The following STAT1 variants were observed in gnomAD, a reference collection of about 807,000 sequenced individuals.
The protein encoded by STAT1 is signal transducer and activator of transcription 1.
In STAT1, 24 loss-of-function variants were observed where a neutral mutation model predicts 111.7. That is an observed-to-expected ratio of 0.21 (90% CI 0.16 to 0.30). The LOEUF (loss-of-function observed/expected upper bound fraction) is 0.30, where lower values mean the gene tolerates loss of function less well. STAT1 is among the 10% of genes least tolerant of loss of function. The probability of loss-of-function intolerance (pLI) is 1.00; values close to 1 mark genes in which losing one functional copy is unlikely to be tolerated. For missense variants in STAT1, 351 were observed against 911.9 expected, an observed-to-expected ratio of 0.38 and a Z score of 7.92; for synonymous variants, 332 against 326.5, an observed-to-expected ratio of 1.02 and a Z score of -0.18.
rs1692560458 is a variant in STAT1, at chr2:190,983,671, A to G, written c.1417T>C (p.Trp473Arg). 1.9e-6 allele frequency: 3 copies of G among 1,614,028 alleles called. No homozygotes were observed. Among genetic ancestry groups the G allele is most frequent in the Non-Finnish European group, 8.5e-7 (1 of 1,180,010 alleles). The change falls in exon 17 of 25, where the codon TGG (tryptophan) becomes CGG (arginine). Residue 473 changes from tryptophan to arginine, a missense_variant. Around this residue, in one of 7 missense-constraint regions of STAT1, gnomAD observed 181 missense variants for 426.1 expected, o/e 0.42. Transcript: ENST00000361099. This position sits in a 1 kb window ranked among gnomAD's most constrained non-coding sequence, Gnocchi z 5.7. The stretch of plus-strand genomic sequence containing the variant: ...GGTTCCGCCACCAGCATGTTGTACC[A>G]AAGGATGGAGGCCCAACCGCTCGGG... ...QLPSGWASIL[W>R]YNMLVAEPRN... is the part of the protein sequence containing the mutation.
intron 5 of STAT1, among the ~76,000 whole-genome samples, chr2:191,002,329 G>A (rs181275507): frequency 6.6e-6 from 1 of 152,206 alleles, no homozygotes; most frequent in East Asian, 1.9e-4. Flanking sequence ...ATTTCCATAT[G>A]CACACGGGTT....
At position 190,995,539 on chromosome 2, in the gene STAT1, G is replaced by A. The variant is rs1229551268; in HGVS notation, c.786-320C>T. On this transcript the variant is annotated intron_variant, in intron 9 of 24. Coordinates refer to ENST00000361099, the MANE Select transcript of STAT1 (RefSeq NM_007315.4). This position sits in a 1 kb window ranked among gnomAD's most constrained non-coding sequence, Gnocchi z 4.2. ...ACTCACTACCATGAGAACAGTATTG[G>A]GGGAACCACCCCCATGATTCAATTA... Among the ~76,000 whole-genome samples, 1 of 152,094 alleles carries A rather than the reference G, an allele frequency of 6.6e-6. No individual in the cohort carries two copies. Among genetic ancestry groups the A allele is most frequent in the Non-Finnish European group, 1.5e-5 (1 of 68,022 alleles).
Position 190,980,179 on chromosome 2 carries a change from G to A in STAT1, c.1633-313C>T, listed in dbSNP as rs1260939086. The stretch of plus-strand genomic sequence containing the variant: ...CGGAAACACAAGCTGCCCCACACTA[G>A]CAAAATCCAGCAGTGCAAGCTGGTC... On this transcript the variant is annotated intron_variant, in intron 19 of 24. Coordinates refer to ENST00000361099, the MANE Select transcript of STAT1 (RefSeq NM_007315.4). The surrounding 1 kb of genome is among the most constrained non-coding windows in gnomAD (Gnocchi z 6.1). 6.6e-6 allele frequency among the ~76,000 whole-genome samples: 1 copy of A among 152,330 alleles called. No homozygotes were observed. Among genetic ancestry groups the A allele is most frequent in the Admixed American group, 6.5e-5 (1 of 15,302 alleles).
Position 190,975,777 on chromosome 2 carries a change from G to GT in STAT1, c.2135+34dup, listed in dbSNP as rs1365587496. On this transcript the variant is annotated intron_variant, in intron 23 of 24. Transcript: ENST00000361099. This position sits in a 1 kb window ranked among gnomAD's most constrained non-coding sequence, Gnocchi z 5.9. ...CAGCCAGGAGCAAGGCTGGCTTGAG[G>GT]TTTGTAAACATGTCACTCTTCTGTG... 4 of 1,613,712 alleles carry GT rather than the reference G, an allele frequency of 2.5e-6. No homozygotes were observed. In the African/African-American group the frequency reaches 5.3e-5, roughly 22 times the overall value.
intron 24 of STAT1, among the ~76,000 whole-genome samples, chr2:190,972,482 C>T (rs939193125): frequency 3.3e-5 from 5 of 152,188 alleles, no homozygotes; most frequent in African/African-American, 1.2e-4. Flanking sequence ...TGAGGCTGCA[C>T]CAGGCGTTGG....
At position 190,996,600 on chromosome 2, in the gene STAT1, G is replaced by A. The variant is rs567528492; in HGVS notation, c.785+1256C>T. ...CACCTGAAGGGCTTTAGGGTTGTAT[G>A]TATCCCTCAAGGCACATGGGGTGCA... On this transcript the variant is annotated intron_variant, in intron 9 of 24. Transcript: ENST00000361099. The surrounding 1 kb of genome is among the most constrained non-coding windows in gnomAD (Gnocchi z 4.5). 3.2e-4 allele frequency among the ~76,000 whole-genome samples: 48 copies of A among 152,324 alleles called. No homozygotes were observed. The highest frequency in any genetic ancestry group is 1.2e-3 in the African/African-American group (48 of 41,582).
At chr2:191,010,858 C>G (rs1302671972) in intron 2 of STAT1, among the ~76,000 whole-genome samples, 4 of 152,092 alleles carry the variant, frequency 2.6e-5, no homozygotes, top group Admixed American at 2.6e-4. Flanking sequence ...CATAGTGATC[C>G]TAAAGATTCA....
At chr2:190,991,342 T>C (rs1319972961) in intron 10 of STAT1, 22 bp from the exon 11 acceptor site, 2 of 1,611,684 alleles carry the variant, frequency 1.2e-6, no homozygotes, top group African/African-American at 1.3e-5. Flanking sequence ...CAGCAAAGGA[T>C]AGATAAGTTA....
intron 10 of STAT1, chr2:190,992,893 A>T: frequency 3.7e-6 from 1 of 271,682 alleles, no homozygotes; most frequent in Non-Finnish European, 6.8e-6. Flanking sequence ...GGGTTCGAGC[A>T]ATTCTCCTGC....
chr2:191,009,125 T>C lies in STAT1; in HGVS notation c.129-18A>G, dbSNP rs1694931012. ...CGTGCTCCCTAGGAGATTTAACATT[T>C]ACACATTTCATTCTAGAACTAAATG... On this transcript the variant is annotated intron_variant, in intron 3 of 24. Transcript: ENST00000361099. The C allele has an allele frequency of 1.2e-6, 2 of 1,613,934 alleles. No homozygotes were observed. Among genetic ancestry groups the C allele is most frequent in the Non-Finnish European group, 1.7e-6 (2 of 1,179,838 alleles).
At position 190,983,553 on chromosome 2, in the gene STAT1, C is replaced by G; in HGVS notation, c.1446+89G>C. ...AGCTTTGTCACTTCTCCCTTAACAA[C>G]TGGCCATTGGGGCTATTTCAGAGAT... On this transcript the variant is annotated intron_variant, in intron 17 of 24. Coordinates refer to ENST00000361099, the MANE Select transcript of STAT1 (RefSeq NM_007315.4). The surrounding 1 kb of genome is among the most constrained non-coding windows in gnomAD (Gnocchi z 5.7). 8.7e-7 allele frequency: 1 copy of G among 1,146,306 alleles called. No individual in the cohort carries two copies. The highest frequency in any genetic ancestry group is 2.1e-4 in the Middle Eastern group (1 of 4,776). 71.0% of individuals were successfully genotyped at this position (1,146,306 alleles called of 1,614,324 possible).
chr2:190,979,951 C>T lies in STAT1; in HGVS notation c.1633-85G>A, dbSNP rs1692233886. On this transcript the variant is annotated intron_variant, in intron 19 of 24. Coordinates refer to ENST00000361099, the MANE Select transcript of STAT1 (RefSeq NM_007315.4). This position sits in a 1 kb window ranked among gnomAD's most constrained non-coding sequence, Gnocchi z 5.8. ...CCCCTCCCACCATCATTTGCAAAGACTCCCCAGGTGCCAAGGATGGAACTG... is the reference window on the plus strand; with the variant it reads ...CCCCTCCCACCATCATTTGCAAAGATTCCCCAGGTGCCAAGGATGGAACTG... 4.5e-6 allele frequency: 4 copies of T among 897,052 alleles called. No individual in the cohort carries two copies. The highest frequency in any genetic ancestry group is 7.3e-6 in the Non-Finnish European group (4 of 551,206). The allele number at this position is 897,052 out of a possible 1,614,324, so 55.6% of individuals were successfully genotyped here.
chr2:190,994,127 G>C (rs1381008864), intron 10 of STAT1, among the ~76,000 whole-genome samples: 1 of 152,194 alleles, frequency 6.6e-6, no homozygotes, highest in East Asian at 1.9e-4. Context: ...TTTGAAAGCA[G>C]GTACATGAAA....
intron 10 of STAT1, among the ~76,000 whole-genome samples, chr2:190,992,009 G>C (rs1693381337): frequency 6.6e-6 from 1 of 152,126 alleles, no homozygotes; most frequent in African/African-American, 2.4e-5. Context: ...ATTAGCCATA[G>C]GGAACCAAGT....
At position 190,974,356 on chromosome 2, in the gene STAT1, T is replaced by A. The variant is rs1409637894; in HGVS notation, c.2238+474A>T. ...AGGAGCTACTTGTACAAATTAGCTC[T>A]CAAATATAAGGCAGATGAAGTAATC... is the stretch of plus-strand genomic sequence containing the variant. On this transcript the variant is annotated intron_variant, in intron 24 of 24. Coordinates refer to ENST00000361099, the MANE Select transcript of STAT1 (RefSeq NM_007315.4). The surrounding 1 kb of genome is among the most constrained non-coding windows in gnomAD (Gnocchi z 4.8). 1.3e-5 allele frequency among the ~76,000 whole-genome samples: 2 copies of A among 152,198 alleles called. No homozygotes were observed. The highest frequency in any genetic ancestry group is 2.9e-5 in the Non-Finnish European group (2 of 68,038).
At position 190,970,241 on chromosome 2, in the gene STAT1, AC is replaced by A. The variant is rs201656062; in HGVS notation, c.*461del. On this transcript the variant is annotated 3_prime_UTR_variant, in exon 25 of 25. Transcript: ENST00000361099. This position sits in a 1 kb window ranked among gnomAD's most constrained non-coding sequence, Gnocchi z 5.4. ...GTAAACCAATGGAAAACTGCCAGTTACACTTAAAGCAAAGAAAACATGTAAG... is the reference window on the plus strand; with the variant it reads ...GTAAACCAATGGAAAACTGCCAGTTAACTTAAAGCAAAGAAAACATGTAAG... 60 of 217,402 alleles carry A rather than the reference AC, an allele frequency of 2.8e-4. No individual in the cohort carries two copies. In the East Asian group the frequency reaches 6.5e-3, roughly 24 times the overall value. 13.5% of individuals were successfully genotyped at this position (217,402 alleles called of 1,614,324 possible).
rs903020114 is a variant in STAT1 at position 190,989,471 on chromosome 2, G to C, written c.1097+144C>G. The C allele has an allele frequency of 5.2e-6, 3 of 576,760 alleles. No individual in the cohort carries two copies. The highest frequency in any genetic ancestry group is 6.2e-6 in the Non-Finnish European group (2 of 322,022). The allele number at this position is 576,760 out of a possible 1,614,324, so 35.7% of individuals were successfully genotyped here. A position where few individuals can be genotyped will look rare whatever the true frequency, so the allele number is the denominator to read the frequency against. On this transcript the variant is annotated intron_variant, in intron 12 of 24. Transcript: ENST00000361099. This position sits in a 1 kb window ranked among gnomAD's most constrained non-coding sequence, Gnocchi z 5.0. ...TGTCAGGACTCTGGGTTCAGCCCTG[G>C]GGCCCTAGGGAGGCAAACTTCCACC...
chr2:190,986,523 C>T lies in STAT1; in HGVS notation c.1221+331G>A, dbSNP rs761339632. On this transcript the variant is annotated intron_variant, in intron 14 of 24. Transcript: ENST00000361099. This position sits in a 1 kb window ranked among gnomAD's most constrained non-coding sequence, Gnocchi z 5.0. ...CCACACTTGGATCACAGTCAGGACA[C>T]GGGAGCCATAACCTTTGAGAAAACT... Among the ~76,000 whole-genome samples, 17 of 152,274 alleles carry T rather than the reference C, an allele frequency of 1.1e-4. No individual in the cohort carries two copies. Among genetic ancestry groups the T allele is most frequent in the South Asian group, 2.1e-4 (1 of 4,830 alleles).
In STAT1 at chr2:190,974,654, T is replaced by C. The variant is rs958464829; in HGVS notation, c.2238+176A>G. On this transcript the variant is annotated intron_variant, in intron 24 of 24. Transcript: ENST00000361099. This position sits in a 1 kb window ranked among gnomAD's most constrained non-coding sequence, Gnocchi z 4.8. Reference sequence around the variant, plus strand: ...AGGAATAAAAATCCCACTGATGATGTAGGTGGTTTAAATCCAGCAGCTCCA... The same window carrying C: ...AGGAATAAAAATCCCACTGATGATGCAGGTGGTTTAAATCCAGCAGCTCCA... Among the ~76,000 whole-genome samples the C allele has an allele frequency of 6.6e-6, 1 of 152,204 alleles. No homozygotes were observed. Among genetic ancestry groups the C allele is most frequent in the Non-Finnish European group, 1.5e-5 (1 of 68,030 alleles).
Sources: allele counts gnomAD v4.1 joint callset (sites outside exome capture counted in the v4.1 genomes callset), GRCh38; gene constraint gnomAD v4.1.1; regional missense constraint gnomAD v4.1.1; non-coding constraint Gnocchi (gnomAD v3.1); transcripts MANE v1.5; gene names NCBI Gene and HGNC (gene_info 2026-07-23, HGNC 2026-07-21).